WDR49: variants seen among roughly 807,000 people sequenced by gnomAD.
WDR49 encodes the protein WD repeat domain 49.
In WDR49, 107 loss-of-function variants were observed where a neutral mutation model predicts 119.5. The ratio of observed to expected loss-of-function variants is 0.90; its 90% CI spans 0.77 to 1.05. The LOEUF is 1.05. Ranked by LOEUF, WDR49 falls within the 50% of genes least tolerant of loss-of-function variation. The probability of loss-of-function intolerance (pLI) is 0.00; values close to 1 mark genes in which losing one functional copy is unlikely to be tolerated. For synonymous variants in WDR49, 425 were observed against 418.8 expected (o/e 1.01, Z -0.18); for missense variants, 1,240 against 1,220.5 (o/e 1.02, Z -0.24).
intron 9 of WDR49, among the ~76,000 whole-genome samples, chr3:167,557,802 T>C (rs1288960479): frequency 2.0e-5 from 3 of 150,342 alleles, no homozygotes; most frequent in African/African-American, 7.3e-5. Context: ...TAGATATACA[T>C]ATATGTGTGT....
chr3:167,646,985 A>C (rs185201452), intron 2 of WDR49, among the ~76,000 whole-genome samples: 1 of 152,334 alleles, frequency 6.6e-6, no homozygotes, highest in East Asian at 1.9e-4. Context: ...TCCTATTTCT[A>C]GCAATAGAGT....
At chr3:167,479,671 A>G (rs1188059472) in intron 18 of WDR49, among the ~76,000 whole-genome samples, 1 of 152,220 alleles carries the variant, frequency 6.6e-6, no homozygotes, top group Non-Finnish European at 1.5e-5. Context: ...TGGAAACTAG[A>G]AGCAGTACCC....
At chr3:167,645,200 A>T (rs1317817719) in intron 2 of WDR49, among the ~76,000 whole-genome samples, 4 of 151,430 alleles carry the variant, frequency 2.6e-5, no homozygotes, top group Admixed American at 6.6e-5. Flanking sequence ...TATTTAATTT[A>T]ATTTATTTAT....
chr3:167,582,819 A>G (rs1187524105), intron 7 of WDR49, among the ~76,000 whole-genome samples: 1 of 152,072 alleles, frequency 6.6e-6, no homozygotes, highest in Non-Finnish European at 1.5e-5. Context: ...ATTATAGTGC[A>G]GGCCTGTAAT....
At chr3:167,496,360 C>G (rs1751353016) in intron 18 of WDR49, among the ~76,000 whole-genome samples, 1 of 152,046 alleles carries the variant, frequency 6.6e-6, no homozygotes, top group African/African-American at 2.4e-5. Context: ...CCTTCTAGAA[C>G]CCAGCCAGTG....
At chr3:167,566,745 C>T (rs1420874345) in intron 8 of WDR49, 4 of 512,856 alleles carry the variant, frequency 7.8e-6, no homozygotes, top group African/African-American at 1.9e-5. Flanking sequence ...GTAAGAGTTA[C>T]TACATACTGT....
At chr3:167,485,134 G>T (rs1427682078) in intron 18 of WDR49, among the ~76,000 whole-genome samples, 2 of 152,064 alleles carry the variant, frequency 1.3e-5, no homozygotes, top group Non-Finnish European at 2.9e-5. Context: ...ATAAGTCGGA[G>T]TTGAACAATG....
At chr3:167,566,356 T>C (rs1035555954) in intron 8 of WDR49, among the ~76,000 whole-genome samples, 2 of 152,192 alleles carry the variant, frequency 1.3e-5, no homozygotes, top group African/African-American at 2.4e-5. Context: ...GTTTGGAATA[T>C]GCATGCAATG....
intron 2 of WDR49, among the ~76,000 whole-genome samples, chr3:167,634,731 C>G (rs1021866408): frequency 6.6e-6 from 1 of 151,694 alleles, no homozygotes; most frequent in African/African-American, 2.4e-5. Context: ...AAGAAGAGAT[C>G]GTGTGCCATT....
intron 10 of WDR49, among the ~76,000 whole-genome samples, chr3:167,553,172 A>T (rs1298647396): frequency 6.6e-6 from 1 of 152,094 alleles, no homozygotes; most frequent in Non-Finnish European, 1.5e-5. Flanking sequence ...TAAATCCACC[A>T]ATATAAAGTG....
intron 7 of WDR49, among the ~76,000 whole-genome samples, chr3:167,597,854 T>A (rs190094254): frequency 6.6e-6 from 1 of 152,330 alleles, no homozygotes; most frequent in East Asian, 1.9e-4. Context: ...CCCCACTGTA[T>A]CTTGGAAATA....
At chr3:167,497,935 G>A (rs144484367) in intron 18 of WDR49, among the ~76,000 whole-genome samples, 643 of 140,838 alleles carry the variant, frequency 4.6e-3, no homozygotes, top group Non-Finnish European at 6.7e-3. Context: ...TCCACCTTCC[G>A]AGTTCAAGAG....
chr3:167,588,143 A>G (rs1577258333), intron 7 of WDR49, among the ~76,000 whole-genome samples: 1 of 151,774 alleles, frequency 6.6e-6, no homozygotes, highest in Non-Finnish European at 1.5e-5. Context: ...TTCTTCTTCT[A>G]TCTCCATCAG....
At chr3:167,632,802 T>C (rs1717432402) in intron 2 of WDR49, among the ~76,000 whole-genome samples, 1 of 152,018 alleles carries the variant, frequency 6.6e-6, no homozygotes, top group African/African-American at 2.4e-5. Flanking sequence ...ATATATATCA[T>C]ACACTGTGGT....
At position 167,505,312 on chromosome 3, in the gene WDR49, G is replaced by A; in HGVS notation, c.2879C>T (p.Ser960Leu). 2.0e-6 allele frequency: 3 copies of A among 1,505,750 alleles called. No homozygotes were observed. The highest frequency in any genetic ancestry group is 2.6e-6 in the Non-Finnish European group (3 of 1,135,242). The allele number at this position is 1,505,750 out of a possible 1,614,324, so 93.3% of individuals were successfully genotyped here. ...TAACAACAGTGACTACTTACTGAAT[G>A]ATTTTTTTATAACTTCACCATAATA... ...KPYYGEVIKK[S>L]FSTFRSLNIG... Residue 960 changes from serine to leucine, a missense_variant, in exon 17 of 19, where the codon TCA becomes TTA. Transcript: ENST00000682715.
Position 167,621,518 on chromosome 3 carries a change from A to G in WDR49, c.732T>C (p.Asp244=). The G allele has an allele frequency of 1.3e-6, 2 of 1,535,524 alleles. No individual in the cohort carries two copies. Among genetic ancestry groups the G allele is most frequent in the Non-Finnish European group, 1.7e-6 (2 of 1,146,422 alleles). The change falls in exon 4 of 19, where the codon GAT becomes GAC. Residue 244 remains aspartate, a synonymous_variant. Transcript: ENST00000682715. ...GAATTGATTCATTGGCATCAAGAGG[A>G]TCATACCAATAATCCATGCAAATTG... ...GTPICMDYWY[D]PLDANESILS...
intron 2 of WDR49, among the ~76,000 whole-genome samples, chr3:167,648,493 G>A (rs183433018): frequency 2.6e-5 from 4 of 152,274 alleles, no homozygotes; most frequent in Non-Finnish European, 5.9e-5. Context: ...TGGCAGCTAA[G>A]ACAGAACACA....
chr3:167,655,235 A>T (rs1366715382), upstream of WDR49, among the ~76,000 whole-genome samples: 1 of 152,192 alleles, frequency 6.6e-6, no homozygotes, highest in Non-Finnish European at 1.5e-5. Flanking sequence ...CCAGGAGAAC[A>T]GTATGGGGAA....
At chr3:167,641,258 C>T (rs1234081025) in intron 2 of WDR49, among the ~76,000 whole-genome samples, 1 of 151,926 alleles carries the variant, frequency 6.6e-6, no homozygotes, top group Non-Finnish European at 1.5e-5. Context: ...GAATTTGCCT[C>T]TGTTGACTCT....
Sources: gnomAD v4.1 joint callset for allele counts (sites outside exome capture counted in the v4.1 genomes callset) on GRCh38, gnomAD v4.1.1 for gene constraint, MANE v1.5 for transcripts, NCBI Gene and HGNC (gene_info 2026-07-23, HGNC 2026-07-21) for gene names.